SUCLG2: variants seen among roughly 807,000 people sequenced by gnomAD.
The protein encoded by SUCLG2 is succinate--CoA ligase [GDP-forming] subunit beta, mitochondrial.
SUCLG2 carries 42 observed loss-of-function variants against 47.9 expected under a neutral mutation model. The observed-to-expected ratio is 0.88, with a 90% CI of 0.69 to 1.14. The LOEUF is 1.14. Ranked by LOEUF, SUCLG2 falls within the 50% of genes most tolerant of loss-of-function variation. The pLI, the probability that SUCLG2 is intolerant of heterozygous loss-of-function variation, is 0.00. For missense variants in SUCLG2, 571 were observed against 525.9 expected (o/e 1.09, Z -0.84); for synonymous variants, 195 against 197.3 (o/e 0.99, Z 0.10).
At chr3:67,484,119 C>A (rs1179211429) in intron 9 of SUCLG2, among the ~76,000 whole-genome samples, 1 of 152,234 alleles carries the variant, frequency 6.6e-6, no homozygotes, top group Non-Finnish European at 1.5e-5. Context: ...CCTACTGCCA[C>A]AATCCTTCCT....
chr3:67,562,123 A>G (rs549345139), intron 2 of SUCLG2, among the ~76,000 whole-genome samples: 3 of 152,240 alleles, frequency 2.0e-5, no homozygotes, highest in African/African-American at 7.2e-5. Context: ...ACATCAATTG[A>G]CCATTCATCC....
chr3:67,539,619 G>C (rs762833681), intron 2 of SUCLG2, among the ~76,000 whole-genome samples: 7 of 152,154 alleles, frequency 4.6e-5, no homozygotes, highest in Non-Finnish European at 8.8e-5. Context: ...GTTTGGAATA[G>C]TTTCAGAAGG....
At chr3:67,635,284 T>G (rs1228570801) in intron 1 of SUCLG2, among the ~76,000 whole-genome samples, 1 of 152,196 alleles carries the variant, frequency 6.6e-6, no homozygotes, top group Non-Finnish European at 1.5e-5. Context: ...TTGCACTGGT[T>G]ATCAGTTTTT....
intron 10 of SUCLG2, among the ~76,000 whole-genome samples, chr3:67,389,487 A>T (rs1056174083): frequency 3.3e-5 from 5 of 152,194 alleles, no homozygotes; most frequent in African/African-American, 4.8e-5. Context: ...AACCAACCAA[A>T]ACCAAAAATA....
At chr3:67,524,419 A>G (rs1220941157) in intron 4 of SUCLG2, among the ~76,000 whole-genome samples, 1 of 152,214 alleles carries the variant, frequency 6.6e-6, no homozygotes, top group Non-Finnish European at 1.5e-5. Context: ...GAGAAGATTA[A>G]AAGTACATTC....
chr3:67,535,702 G>C (rs148116017), intron 2 of SUCLG2, among the ~76,000 whole-genome samples: 33 of 152,254 alleles, frequency 2.2e-4, no homozygotes, highest in African/African-American at 7.7e-4. Context: ...GGCTCAGCAG[G>C]ATCAGCACTT....
chr3:67,374,676 T>G, downstream of SUCLG2: 1 of 784,962 alleles, frequency 1.3e-6, no homozygotes, highest in Non-Finnish European at 1.5e-6. Context: ...AAAAAAAATG[T>G]TTGAGGAATA....
At chr3:67,456,733 T>C (rs570637051) in intron 9 of SUCLG2, among the ~76,000 whole-genome samples, 1 of 152,246 alleles carries the variant, frequency 6.6e-6, no homozygotes, top group South Asian at 2.1e-4. Flanking sequence ...TTAGCAAAAA[T>C]ACATCACGGT....
chr3:67,574,863 G>A (rs941459719), intron 2 of SUCLG2, among the ~76,000 whole-genome samples: 3 of 152,100 alleles, frequency 2.0e-5, no homozygotes, highest in Non-Finnish European at 4.4e-5. Flanking sequence ...AATTCAATAA[G>A]ACAAACCTCA....
intron 1 of SUCLG2, among the ~76,000 whole-genome samples, chr3:67,620,497 A>T (rs560307683): frequency 6.7e-6 from 1 of 148,420 alleles, no homozygotes; most frequent in Admixed American, 6.8e-5. Flanking sequence ...AGACAGGAGA[A>T]CAGCTTGAAC....
intron 9 of SUCLG2, among the ~76,000 whole-genome samples, chr3:67,410,223 A>G (rs944725091): frequency 2.6e-5 from 4 of 152,212 alleles, no homozygotes; most frequent in African/African-American, 9.6e-5. Context: ...TTCATTATTT[A>G]GGTCAAAGTT....
chr3:67,583,781 C>T (rs1269852010), intron 2 of SUCLG2, among the ~76,000 whole-genome samples: 1 of 152,222 alleles, frequency 6.6e-6, no homozygotes. Context: ...AACAATGGTA[C>T]ATCAAATCCT....
At chr3:67,372,398 T>C (rs1309920402), downstream of SUCLG2, among the ~76,000 whole-genome samples, 1 of 17,664 alleles carries the variant, frequency 5.7e-5, no homozygotes, top group East Asian at 3.0e-3. Flanking sequence ...TGCAGTCACT[T>C]TTTTTTTTCC....
chr3:67,390,171 A>G (rs748481189), intron 10 of SUCLG2, among the ~76,000 whole-genome samples: 5 of 152,202 alleles, frequency 3.3e-5, no homozygotes, highest in Admixed American at 6.5e-5. Flanking sequence ...CCAGTGGCAC[A>G]TTTTGTAACT....
chr3:67,522,031 T>TATTTA (rs1706122707), intron 4 of SUCLG2, among the ~76,000 whole-genome samples: 1 of 151,852 alleles, frequency 6.6e-6, no homozygotes, highest in Non-Finnish European at 1.5e-5. Context: ...TTCCTGCATT[T>TATTTA]ATTTATTTAT....
intron 1 of SUCLG2, among the ~76,000 whole-genome samples, chr3:67,623,360 G>A (rs1026187259): frequency 1.3e-5 from 2 of 152,100 alleles, no homozygotes; most frequent in Non-Finnish European, 2.9e-5. Flanking sequence ...AATTAGCTGG[G>A]CGTGATGGCG....
intron 9 of SUCLG2, among the ~76,000 whole-genome samples, chr3:67,486,458 T>C (rs954096094): frequency 3.3e-5 from 5 of 152,194 alleles, no homozygotes; most frequent in Non-Finnish European, 5.9e-5. Flanking sequence ...ACTCAACCAT[T>C]GTTCTTAGCG....
At chr3:67,472,024 C>T (rs1704618485) in intron 9 of SUCLG2, among the ~76,000 whole-genome samples, 1 of 151,990 alleles carries the variant, frequency 6.6e-6, no homozygotes, top group Non-Finnish European at 1.5e-5. Context: ...CATAAAATTA[C>T]TAAAAATAAT....
intron 2 of SUCLG2, among the ~76,000 whole-genome samples, chr3:67,588,455 A>G (rs1027385894): frequency 1.3e-5 from 2 of 152,246 alleles, no homozygotes; most frequent in Non-Finnish European, 2.9e-5. Context: ...GTGTTTTAGT[A>G]ATTTTATCAG....
Sources: allele counts gnomAD v4.1 joint callset (sites outside exome capture counted in the v4.1 genomes callset), GRCh38; gene constraint gnomAD v4.1.1; transcripts MANE v1.5; gene names NCBI Gene and HGNC (gene_info 2026-07-23, HGNC 2026-07-21).